Variants in LRRC42 observed in about 807,000 individuals in gnomAD.
LRRC42 encodes the protein leucine rich repeat containing 42, also known as leucine-rich repeat-containing protein 42.
Under a neutral mutation model 44.3 loss-of-function variants are expected in LRRC42, and 43 were observed. The observed-to-expected ratio is 0.97, with a 90% CI of 0.76 to 1.25. The LOEUF (loss-of-function observed/expected upper bound fraction) is 1.25, where lower values mean the gene tolerates loss of function less well. Among genes scored for constraint, LRRC42 ranks in the 50% most tolerant of loss-of-function variants. The pLI is 0.00. For synonymous variants in LRRC42, 207 were observed against 195.2 expected, an observed-to-expected ratio of 1.06 and a Z score of -0.50; for missense variants, 540 against 509.1, an observed-to-expected ratio of 1.06 and a Z score of -0.58.
chr1:53,953,069 A>T (rs1332357214), intron 3 of LRRC42, among the ~76,000 whole-genome samples: 3 of 152,236 alleles, frequency 2.0e-5, no homozygotes, highest in African/African-American at 4.8e-5. Flanking sequence ...CTAATTTTTT[A>T]AAAAACTTGC....
Position 53,958,218 on chromosome 1 carries a change from C to T in LRRC42, c.543C>T (p.Ser181=). 3 of 1,613,860 alleles carry T rather than the reference C, an allele frequency of 1.9e-6. No individual in the cohort carries two copies. The change falls in exon 4 of 9, where the codon TCC becomes TCT. Residue 181 remains serine, a synonymous_variant. Transcript: ENST00000371370. ...GGGAGCTGACCTGCCTGGATCTTTC[C>T]TGTTGCAAGCTTGGAGATGAGCATG... ...SFRELTCLDL[S]CCKLGDEHEL...
At chr1:53,958,327 T>A (rs1210810375) in intron 4 of LRRC42, 47 bp downstream of exon 4, 1 of 1,602,428 alleles carries the variant, frequency 6.2e-7, no homozygotes, top group Non-Finnish European at 8.5e-7. Context: ...AGTATTGTTT[T>A]AAAGGCTGAT....
chr1:53,965,722 G>A (rs61168351), intron 7 of LRRC42, among the ~76,000 whole-genome samples: 3,029 of 152,058 alleles, frequency 0.02, 86 homozygotes, highest in African/African-American at 0.067. Context: ...TGACCCGCCC[G>A]CCTCGGCCTC....
In LRRC42 at chr1:53,952,433, A is replaced by G. The variant is rs758975488; in HGVS notation, c.434A>G (p.Tyr145Cys). The change falls in exon 3 of 9, where the codon TAT becomes TGT. Residue 145 changes from tyrosine to cysteine, a missense_variant. Physicochemically the swap from Tyr to Cys is radical, Grantham distance 194. Coordinates refer to ENST00000371370, the MANE Select transcript of LRRC42 (RefSeq NM_001256409.2). The stretch of plus-strand genomic sequence containing the variant: ...GCTTTACAGAAATTCACTGAGGCCT[A>G]TGGAAGTTTGGTGCTTTGCTCCCTG... ...LRALQKFTEA[Y>C]GSLVLCSLCL... The G allele has an allele frequency of 6.2e-6, 10 of 1,604,816 alleles. No homozygotes were observed. The highest frequency in any genetic ancestry group is 3.3e-5 in the Admixed American group (2 of 59,704).
Position 53,952,009 on chromosome 1 carries a change from T to C in LRRC42, c.10T>C (p.Tyr4His). The C allele has an allele frequency of 6.2e-7, 1 of 1,613,374 alleles. No homozygotes were observed. The highest frequency in any genetic ancestry group is 8.5e-7 in the Non-Finnish European group (1 of 1,179,806). MSYYLSSENHLDPG... is the reference protein window; with the variant it reads MSYHLSSENHLDPG... ...AGTTGCAACCAAGGCAATGTCTTAC[T>C]ACCTCAGCTCAGAAAACCACCTGGA... Residue 4 changes from tyrosine to histidine, a missense_variant, in exon 3 of 9, where the codon TAC becomes CAC. Coordinates refer to ENST00000371370, the MANE Select transcript of LRRC42 (RefSeq NM_001256409.2).
chr1:53,952,515 T>C, intron 3 of LRRC42, 43 bp downstream of exon 3: 1 of 1,514,120 alleles, frequency 6.6e-7, no homozygotes, highest in Non-Finnish European at 8.9e-7. Flanking sequence ...ATTGGGTGTG[T>C]TAATTCTGTC....
intron 3 of LRRC42, among the ~76,000 whole-genome samples, chr1:53,956,037 C>T (rs970009537): frequency 2.0e-5 from 3 of 152,166 alleles, no homozygotes; most frequent in African/African-American, 7.2e-5. Context: ...CTTTTGAATC[C>T]TTAAAGGCAA....
intron 7 of LRRC42, among the ~76,000 whole-genome samples, chr1:53,964,689 C>G (rs1033847656): frequency 6.6e-6 from 1 of 152,190 alleles, no homozygotes; most frequent in South Asian, 2.1e-4. Flanking sequence ...GTGCCAGACA[C>G]TGTGCTAAAC....
chr1:53,958,617 G>A (rs780940991), intron 4 of LRRC42, among the ~76,000 whole-genome samples: 23 of 151,960 alleles, frequency 1.5e-4, no homozygotes, highest in Admixed American at 3.9e-4. Flanking sequence ...CAAAAGTTTC[G>A]TTTTTGCCAC....
intron 3 of LRRC42, among the ~76,000 whole-genome samples, chr1:53,955,251 AAT>A (rs1370300214): frequency 6.6e-6 from 1 of 152,180 alleles, no homozygotes; most frequent in Non-Finnish European, 1.5e-5. Flanking sequence ...ATTATCAGAA[AAT>A]GTAAGAAACA....
chr1:53,952,087 G>A lies in LRRC42; in HGVS notation c.88G>A (p.Ala30Thr), dbSNP rs200675524. The change falls in exon 3 of 9, where the codon GCT becomes ACT. Residue 30 changes from alanine (A) to threonine (T), a missense_variant. By Grantham distance (58) the Ala-to-Thr change is moderately conservative. Transcript: ENST00000371370. ...TGGGCAGCTGCACATGGTCAATCTGGCTCTGGATGGTGTCAGGAGTAGCCT... is the reference window on the plus strand; with the variant it reads ...TGGGCAGCTGCACATGGTCAATCTGACTCTGGATGGTGTCAGGAGTAGCCT... ...ENGQLHMVNL[A>T]LDGVRSSLQK... The A allele has an allele frequency of 1.4e-5, 23 of 1,614,062 alleles. No individual in the cohort carries two copies. The highest frequency in any genetic ancestry group is 6.7e-5 in the Admixed American group (4 of 60,002).
chr1:53,954,573 A>G (rs762292019), intron 3 of LRRC42, among the ~76,000 whole-genome samples: 9 of 152,252 alleles, frequency 5.9e-5, no homozygotes, highest in Non-Finnish European at 1.3e-4. Context: ...TAAAAAATCC[A>G]TAATCCCACC....
chr1:53,966,185 T>C (rs1175249924), intron 7 of LRRC42, 111 bp from the exon 8 acceptor site: 2 of 780,170 alleles, frequency 2.6e-6, no homozygotes, highest in Non-Finnish European at 4.3e-6. Context: ...TGAAGTTAAA[T>C]TTACCAGAGG....
chr1:53,947,344 C>T (rs1045935807), intron 1 of LRRC42, among the ~76,000 whole-genome samples: 8 of 151,536 alleles, frequency 5.3e-5, no homozygotes, highest in Non-Finnish European at 1.2e-4. Flanking sequence ...GAGAGACTGG[C>T]ATGTTCTTGG....
At chr1:53,966,198 T>C (rs1655124164) in intron 7 of LRRC42, 98 bp from the exon 8 acceptor site, 2 of 880,696 alleles carry the variant, frequency 2.3e-6, no homozygotes, top group South Asian at 2.9e-5. Context: ...ACCAGAGGGG[T>C]TTGTGTTTAT....
intron 4 of LRRC42, among the ~76,000 whole-genome samples, chr1:53,959,642 A>G (rs1222842741): frequency 1.3e-5 from 2 of 152,250 alleles, no homozygotes; most frequent in East Asian, 1.9e-4. Flanking sequence ...CTGAAAATCT[A>G]GATTGATAAA....
At chr1:53,951,542 A>G (rs535422384) in intron 2 of LRRC42, among the ~76,000 whole-genome samples, 1 of 152,270 alleles carries the variant, frequency 6.6e-6, no homozygotes, top group Non-Finnish European at 1.5e-5. Context: ...CTCTTGCCTC[A>G]GCCTCCTGAG....
At chr1:53,953,289 C>T (rs537917955) in intron 3 of LRRC42, among the ~76,000 whole-genome samples, 2 of 152,356 alleles carry the variant, frequency 1.3e-5, no homozygotes, top group African/African-American at 4.8e-5. Context: ...TGGCAGCATG[C>T]TGCATACACT....
In LRRC42 at chr1:53,952,318, C is replaced by G; in HGVS notation, c.319C>G (p.Leu107Val). The change falls in exon 3 of 9, where the codon CTT becomes GTT. Residue 107 changes from leucine (L) to valine (V), a missense_variant. By Grantham distance (32) the Leu-to-Val change is conservative (BLOSUM62 1). Transcript: ENST00000371370. ...CGACAATGTGGATCACATTGATTCC[C>G]TTATTGGCTTTCCTGAGCAGATTGC... ...ISDNVDHIDS[L>V]IGFPEQIAEK... The G allele has an allele frequency of 6.2e-7, 1 of 1,614,198 alleles. No homozygotes were observed. Among genetic ancestry groups the G allele is most frequent in the Non-Finnish European group, 8.5e-7 (1 of 1,180,024 alleles).
Sources: gnomAD v4.1 joint callset for allele counts (sites outside exome capture counted in the v4.1 genomes callset) on GRCh38, gnomAD v4.1.1 for gene constraint, MANE v1.5 for transcripts, NCBI Gene and HGNC (gene_info 2026-07-23, HGNC 2026-07-21) for gene names.